Variants in KIAA1217 observed in about 807,000 individuals in gnomAD.
The protein encoded by KIAA1217 is sickle tail protein homolog.
KIAA1217 carries 88 observed loss-of-function variants against 163.9 expected under a neutral mutation model. That is an observed-to-expected ratio of 0.54 (90% CI 0.45 to 0.64). KIAA1217 has a LOEUF of 0.64. Ranked by LOEUF, KIAA1217 falls within the 30% of genes least tolerant of loss-of-function variation. KIAA1217 has a pLI of 0.00. For missense variants in KIAA1217, 2,372 were observed against 2,475.0 expected (o/e 0.96, Z 0.88); for synonymous variants, 903 against 923.1 (o/e 0.98, Z 0.39).
At chr10:24,448,579 A>C (rs974460431) in intron 5 of KIAA1217, among the ~76,000 whole-genome samples, 1 of 152,108 alleles carries the variant, frequency 6.6e-6, no homozygotes, top group Non-Finnish European at 1.5e-5. Context: ...GTAGAGACAC[A>C]GTCTCCCTAT....
At chr10:24,311,267 C>G (rs899413360) in intron 2 of KIAA1217, among the ~76,000 whole-genome samples, 7 of 152,108 alleles carry the variant, frequency 4.6e-5, no homozygotes, top group African/African-American at 1.4e-4. Context: ...GGAGAACAAT[C>G]GAGACTGGTT....
intron 2 of KIAA1217, among the ~76,000 whole-genome samples, chr10:24,196,379 T>C (rs2066991576): frequency 6.6e-6 from 1 of 152,218 alleles, no homozygotes; most frequent in South Asian, 2.1e-4. Context: ...TTGGGAAATT[T>C]TCCTGATTTC....
chr10:24,065,806 C>T (rs934082820), intron 2 of KIAA1217, among the ~76,000 whole-genome samples: 3 of 152,084 alleles, frequency 2.0e-5, no homozygotes, highest in Non-Finnish European at 4.4e-5. Context: ...TAAGGACTTG[C>T]TTTATGAATC....
intron 1 of KIAA1217, among the ~76,000 whole-genome samples, chr10:23,808,762 A>C (rs546557530): frequency 6.6e-5 from 10 of 152,284 alleles, no homozygotes; most frequent in African/African-American, 2.2e-4. Flanking sequence ...AGCAATTTTC[A>C]AAGTGAAAAT....
intron 2 of KIAA1217, among the ~76,000 whole-genome samples, chr10:24,169,111 A>C (rs2065495041): frequency 6.6e-6 from 1 of 152,260 alleles, no homozygotes. Context: ...CATTTTCAAA[A>C]GTCTTCAACA....
At chr10:23,712,014 T>A (rs141876393) in intron 1 of KIAA1217, among the ~76,000 whole-genome samples, 1 of 152,212 alleles carries the variant, frequency 6.6e-6, no homozygotes, top group East Asian at 1.9e-4. Flanking sequence ...CTGCAGACAT[T>A]GTCAGAGAAT....
At chr10:23,870,865 C>T (rs1191062432) in intron 1 of KIAA1217, among the ~76,000 whole-genome samples, 1 of 152,090 alleles carries the variant, frequency 6.6e-6, no homozygotes, top group Non-Finnish European at 1.5e-5. Context: ...TAACTGTCCT[C>T]TGAAGTTGTT....
chr10:24,195,238 T>A (rs2066929855), intron 2 of KIAA1217, among the ~76,000 whole-genome samples: 1 of 152,166 alleles, frequency 6.6e-6, no homozygotes, highest in South Asian at 2.1e-4. Flanking sequence ...CCCTGTCCAG[T>A]CCCATGGAAA....
At chr10:24,545,375 G>T in intron 20 of KIAA1217, 1 of 1,350,522 alleles carries the variant, frequency 7.4e-7, no homozygotes, top group Non-Finnish European at 9.5e-7. Context: ...GCTTTTCTTT[G>T]GTGAATGTAG....
chr10:24,335,681 C>G (rs564101121), intron 2 of KIAA1217, among the ~76,000 whole-genome samples: 2 of 151,518 alleles, frequency 1.3e-5, no homozygotes, highest in Admixed American at 1.3e-4. Context: ...AAGATCATAG[C>G]TCACTGCAAC....
At chr10:24,500,183 A>G (rs1002424381) in intron 8 of KIAA1217, among the ~76,000 whole-genome samples, 1 of 100,094 alleles carries the variant, frequency 1.0e-5, no homozygotes, top group Non-Finnish European at 2.1e-5. Flanking sequence ...AACTGAACAG[A>G]AGTGTGTGTG....
chr10:23,881,346 C>T (rs1358183628), intron 1 of KIAA1217, among the ~76,000 whole-genome samples: 1 of 151,890 alleles, frequency 6.6e-6, no homozygotes, highest in Non-Finnish European at 1.5e-5. Flanking sequence ...TTAGTGGTTG[C>T]TAGAGTACAT....
At chr10:23,975,564 C>T (rs1233243619) in intron 1 of KIAA1217, among the ~76,000 whole-genome samples, 6 of 152,110 alleles carry the variant, frequency 3.9e-5, no homozygotes, top group Non-Finnish European at 7.4e-5. Flanking sequence ...CAAAGGATCT[C>T]AAAAAGAGGA....
chr10:23,900,844 A>G (rs1317988359), intron 1 of KIAA1217, among the ~76,000 whole-genome samples: 1 of 152,130 alleles, frequency 6.6e-6, no homozygotes, highest in Non-Finnish European at 1.5e-5. Flanking sequence ...GACTAGGGTA[A>G]GCTATAAAGC....
At chr10:24,534,118 T>C (rs1173949397) in intron 16 of KIAA1217, among the ~76,000 whole-genome samples, 1 of 152,216 alleles carries the variant, frequency 6.6e-6, no homozygotes, top group Non-Finnish European at 1.5e-5. Context: ...AACCCATAAA[T>C]TTTCCTCTTT....
chr10:24,337,590 T>TTTTC lies in KIAA1217; in HGVS notation c.355-43276_355-43275insCTTT, dbSNP rs1316293949. On this transcript the variant is annotated intron_variant, in intron 2 of 20. Coordinates refer to ENST00000376454, the MANE Select transcript of KIAA1217 (RefSeq NM_019590.5). ...TGCTTTGTTTTTGTTTTGTGTGGTT[T>TTTTC]TTTTCTTTTCTTTTCTTTTCTTTTC... Among the ~76,000 whole-genome samples the TTTTC allele has an allele frequency of 1.5e-4, 20 of 134,476 alleles. No individual in the cohort carries two copies. In the East Asian group the frequency reaches 1.9e-3, roughly 13 times the overall value. The allele number at this position is 134,476 out of a possible 152,430, so 88.2% of individuals were successfully genotyped here. A position where few individuals can be genotyped will look rare whatever the true frequency, so the allele number is the denominator to read the frequency against.
chr10:24,073,854 T>C (rs554079117), intron 2 of KIAA1217, among the ~76,000 whole-genome samples: 5 of 152,094 alleles, frequency 3.3e-5, no homozygotes, highest in Non-Finnish European at 7.4e-5. Context: ...GTAGGTAGGT[T>C]CCCAGTGGGA....
rs539806334 is a variant in KIAA1217 at position 24,123,574 on chromosome 10, A to G, written c.-170-96052A>G. On this transcript the variant is annotated intron_variant, in intron 2 of 18. Coordinates refer to the KIAA1217 transcript ENST00000376462. ...ATGTTGTTAAATTGCTCTACAAACT[A>G]TACTGCTTTATTTGATTATGGAGCA... is the stretch of plus-strand genomic sequence containing the variant. 2.8e-4 allele frequency among the ~76,000 whole-genome samples: 42 copies of G among 152,316 alleles called. 1 individual carries two copies. In the South Asian group the frequency reaches 2.9e-3, roughly 11 times the overall value.
At chr10:24,088,250 A>ATATATATATATATATATATATATAT (rs565134967) in intron 2 of KIAA1217, among the ~76,000 whole-genome samples, 1 of 109,324 alleles carries the variant, frequency 9.1e-6, no homozygotes, top group Non-Finnish European at 2.2e-5. Context: ...CTGTTTTTTT[A>ATATATATATATATATATATATATAT]ATATACATAT....
Sources: allele counts gnomAD v4.1 joint callset (sites outside exome capture counted in the v4.1 genomes callset), GRCh38; gene constraint gnomAD v4.1.1; transcripts MANE v1.5; gene names NCBI Gene and HGNC (gene_info 2026-07-23, HGNC 2026-07-21).